Variants in ADGRF3 observed in about 807,000 individuals in gnomAD.
The protein encoded by ADGRF3 is G protein-coupled receptor 113.
A neutral mutation model predicts 93.2 loss-of-function variants in ADGRF3; 85 were observed. That is an observed-to-expected ratio of 0.91 (90% CI 0.77 to 1.09). The LOEUF is 1.09. Among genes scored for constraint, ADGRF3 ranks in the 50% least tolerant of loss-of-function variants. The pLI is 0.00. For missense variants in ADGRF3, 1,125 were observed against 1,246.2 expected, an observed-to-expected ratio of 0.90 and a Z score of 1.46; for synonymous variants, 534 against 532.5, an observed-to-expected ratio of 1.00 and a Z score of -0.04.
chr2:26,334,629 T>C (rs576922099), intron 1 of ADGRF3, among the ~76,000 whole-genome samples: 4 of 152,152 alleles, frequency 2.6e-5, no homozygotes, highest in African/African-American at 4.8e-5. Flanking sequence ...TTTGTTGATG[T>C]TCACATTGAG....
intron 1 of ADGRF3, among the ~76,000 whole-genome samples, chr2:26,327,883 A>C (rs1022667650): frequency 2.0e-5 from 3 of 152,184 alleles, no homozygotes; most frequent in Non-Finnish European, 2.9e-5. Flanking sequence ...ATTGCAACAC[A>C]AAACGGACTC....
At chr2:26,327,654 C>T (rs1205583279) in intron 1 of ADGRF3, among the ~76,000 whole-genome samples, 1 of 148,044 alleles carries the variant, frequency 6.8e-6, no homozygotes, top group East Asian at 2.0e-4. Context: ...GCTCTGTCAT[C>T]CCATGGCAGA....
intron 1 of ADGRF3, chr2:26,340,531 G>C (rs1258721874): frequency 6.6e-6 from 1 of 152,096 alleles, no homozygotes; most frequent in African/African-American, 2.4e-5. Flanking sequence ...AATTAAAAAA[G>C]AACAGTGGTT....
chr2:26,331,855 A>G (rs1041430198), intron 1 of ADGRF3, among the ~76,000 whole-genome samples: 1 of 152,146 alleles, frequency 6.6e-6, no homozygotes, highest in African/African-American at 2.4e-5. Flanking sequence ...CCTTACCTTT[A>G]TTAAATCATT....
Position 26,314,439 on chromosome 2 carries a change from G to A in ADGRF3, c.903C>T (p.Ala301=), listed in dbSNP as rs745959578. 3.7e-6 allele frequency: 6 copies of A among 1,613,928 alleles called. No homozygotes were observed. The highest frequency in any genetic ancestry group is 3.3e-5 in the Admixed American group (2 of 60,028). The part of the protein sequence containing the change: ...IPSTNLAYTA[A]WSPGEGSKAS... ...CTTTGCTGCCCTCTCCAGGGCTCCAGGCCGCGGTGTAGGCCAGGTTTGTGC... is the reference window on the plus strand; with the variant it reads ...CTTTGCTGCCCTCTCCAGGGCTCCAAGCCGCGGTGTAGGCCAGGTTTGTGC... The change falls in exon 6 of 14, where the codon GCC becomes GCT. Residue 301 remains alanine (A), a synonymous_variant. Transcript: ENST00000651242.
Position 26,315,652 on chromosome 2 carries a change from G to A in ADGRF3, c.588C>T (p.Asn196=), listed in dbSNP as rs1178480731. The change falls in exon 5 of 14, where the codon AAC becomes AAT. Residue 196 remains asparagine (N), a synonymous_variant. Coordinates refer to ENST00000651242, the MANE Select transcript of ADGRF3 (RefSeq NM_001321971.2). ...LTLHLSQEAT[N]LSWFLRHPGS... is the part of the protein sequence containing the mutation. Reference sequence around the variant, plus strand: ...CTGGGTGCCTCAGGAACCAGCTCAGGTTGGTGGCCTCCTGGCTCAGATGGA... The same window carrying A: ...CTGGGTGCCTCAGGAACCAGCTCAGATTGGTGGCCTCCTGGCTCAGATGGA... 6.4e-7 allele frequency: 1 copy of A among 1,551,670 alleles called. No individual in the cohort carries two copies. The highest frequency in any genetic ancestry group is 2.0e-5 in the Admixed American group (1 of 50,998).
intron 9 of ADGRF3, 134 bp from the exon 10 acceptor site, chr2:26,312,208 G>C: frequency 1.1e-6 from 1 of 894,804 alleles, no homozygotes; most frequent in South Asian, 1.7e-5. Context: ...AGAAAAGGGA[G>C]AGGAAGACAG....
intron 1 of ADGRF3, chr2:26,319,071 C>G (rs1032199405): frequency 6.5e-7 from 1 of 1,536,664 alleles, no homozygotes; most frequent in Non-Finnish European, 8.8e-7. Context: ...GCAGTCCCTA[C>G]AAGCCCACGA....
In ADGRF3 at chr2:26,310,073, G is replaced by A. The variant is rs371430840; in HGVS notation, c.2907C>T (p.Arg969=). 5.8e-5 allele frequency: 94 copies of A among 1,613,926 alleles called. No homozygotes were observed. The highest frequency in any genetic ancestry group is 4.0e-4 in the East Asian group (18 of 44,908). Residue 969 remains arginine (R), a synonymous_variant, in exon 12 of 14, where the codon CGC becomes CGT. Coordinates refer to ENST00000651242, the MANE Select transcript of ADGRF3 (RefSeq NM_001321971.2). ...AGATGGTGGAGCTGGGGGCTTGGGC[G>A]CGGCAGAAGCGTTTGCGCAAAGCTT... ...IQEALRKRFC[R]AQAPSSTISL... is the part of the protein sequence containing the mutation.
Position 26,317,551 on chromosome 2 carries a change from C to A in ADGRF3, c.126G>T (p.Gln42His). The A allele has an allele frequency of 6.4e-7, 1 of 1,573,956 alleles. No individual in the cohort carries two copies. The highest frequency in any genetic ancestry group is 8.6e-7 in the Non-Finnish European group (1 of 1,159,798). ...GCCCAGATCCAGATTCCCCTCCAGCCTGACTCTGTCCCTGGAACAGAACAC... is the reference window on the plus strand; with the variant it reads ...GCCCAGATCCAGATTCCCCTCCAGCATGACTCTGTCCCTGGAACAGAACAC... Reference protein sequence around the residue: ...KTGLPEKGQSQAGGESGSGQL... With the variant: ...KTGLPEKGQSHAGGESGSGQL... The change falls in exon 2 of 14, where the codon CAG becomes CAT. Residue 42 changes from glutamine (Q) to histidine (H), a missense_variant. By Grantham distance (24) the Gln-to-His change is conservative. Transcript: ENST00000651242.
At chr2:26,315,196 T>C (rs1405716192) in intron 5 of ADGRF3, among the ~76,000 whole-genome samples, 1 of 152,156 alleles carries the variant, frequency 6.6e-6, no homozygotes, top group Non-Finnish European at 1.5e-5. Flanking sequence ...AAGGGTCAAA[T>C]GACATCTTAG....
intron 1 of ADGRF3, among the ~76,000 whole-genome samples, chr2:26,321,364 T>C (rs1404121881): frequency 1.3e-5 from 2 of 152,184 alleles, no homozygotes; most frequent in Non-Finnish European, 2.9e-5. Flanking sequence ...CTGTGTGCTG[T>C]CTGTTGCAGC....
chr2:26,319,740 A>G (rs887113789), intron 1 of ADGRF3, among the ~76,000 whole-genome samples: 1 of 151,174 alleles, frequency 6.6e-6, no homozygotes, highest in Non-Finnish European at 1.5e-5. Flanking sequence ...TTTTAGAAAC[A>G]AGGTCTCCCT....
chr2:26,308,874 A>T lies in ADGRF3; in HGVS notation c.*212T>A. 3 of 567,198 alleles carry T rather than the reference A, an allele frequency of 5.3e-6. No individual in the cohort carries two copies. Among genetic ancestry groups the T allele is most frequent in the Non-Finnish European group, 6.1e-6 (2 of 329,608 alleles). The allele number at this position is 567,198 out of a possible 1,614,324, so 35.1% of individuals were successfully genotyped here. On this transcript the variant is annotated 3_prime_UTR_variant, in exon 14 of 14. Transcript: ENST00000651242. ...GCTTATTCATTAGGTGCCTTTAGCT[A>T]ATTTTTCCTGCTATTCTTGCTGGAT...
At chr2:26,319,565 CCCTTCCTTCCTT>C (rs1221160490) in intron 1 of ADGRF3, among the ~76,000 whole-genome samples, 555 of 48,132 alleles carry the variant, frequency 0.012, 9 homozygotes, top group African/African-American at 0.039. Flanking sequence ...CTCCCTCCCT[CCCTTCCTTCCTT>C]CCTTCCTTCC....
At chr2:26,309,716 C>T (rs1016504741) in intron 12 of ADGRF3, 135 bp from the exon 13 acceptor site, 1 of 1,312,826 alleles carries the variant, frequency 7.6e-7, no homozygotes, top group African/African-American at 1.5e-5. Flanking sequence ...ATTTTGCTCT[C>T]AGCTACAGTA....
chr2:26,321,711 C>G (rs1675159758), intron 1 of ADGRF3, among the ~76,000 whole-genome samples: 1 of 152,128 alleles, frequency 6.6e-6, no homozygotes, highest in South Asian at 2.1e-4. Context: ...GTGGCTCACA[C>G]CTGTAATCCC....
chr2:26,341,448 C>G (rs1386741563), intron 1 of ADGRF3, among the ~76,000 whole-genome samples: 2 of 152,090 alleles, frequency 1.3e-5, no homozygotes, highest in Admixed American at 1.3e-4. Flanking sequence ...ACCATCCTCC[C>G]CCAGCAACAT....
rs918165806 is a variant in ADGRF3 at position 26,311,362 on chromosome 2, A to G, written c.2162T>C (p.Leu721Pro). 6.2e-7 allele frequency: 1 copy of G among 1,614,050 alleles called. No individual in the cohort carries two copies. The highest frequency in any genetic ancestry group is 8.5e-7 in the Non-Finnish European group (1 of 1,179,904). Residue 721 changes from leucine to proline, a missense_variant, in exon 10 of 14, where the codon CTG (leucine) becomes CCG (proline). Transcript: ENST00000651242. ...GASILALLVC[L>P]GVYWLVWRVV... Reference sequence around the variant, plus strand: ...TCTCCACACCAGCCAGTACACACCCAGGCACACAAGCAGCGCCAGTATGGA... The same window carrying G: ...TCTCCACACCAGCCAGTACACACCCGGGCACACAAGCAGCGCCAGTATGGA...
Sources: gnomAD v4.1 joint callset for allele counts (sites outside exome capture counted in the v4.1 genomes callset) on GRCh38, gnomAD v4.1.1 for gene constraint, MANE v1.5 for transcripts, NCBI Gene and HGNC (gene_info 2026-07-23, HGNC 2026-07-21) for gene names.